ACVR2B: variants seen among roughly 807,000 people sequenced by gnomAD.
ACVR2B encodes activin A receptor type 2B.
Under a neutral mutation model 65.1 loss-of-function variants are expected in ACVR2B, and 18 were observed. The observed-to-expected ratio is 0.28, with a 90% CI of 0.19 to 0.41. The LOEUF (loss-of-function observed/expected upper bound fraction) is 0.41, where lower values mean the gene tolerates loss of function less well. Among genes scored for constraint, ACVR2B ranks in the 10% least tolerant of loss-of-function variants. The pLI, the probability that ACVR2B is intolerant of heterozygous loss-of-function variation, is 1.00. For synonymous variants in ACVR2B, 298 were observed against 277.7 expected, an observed-to-expected ratio of 1.07 and a Z score of -0.73; for missense variants, 482 against 682.7, an observed-to-expected ratio of 0.71 and a Z score of 3.28.
chr3:38,483,465 A>T lies in ACVR2B; in HGVS notation c.*133A>T, dbSNP rs186832239. On this transcript the variant is annotated 3_prime_UTR_variant, in exon 11 of 11. Coordinates refer to ENST00000352511, the MANE Select transcript of ACVR2B (RefSeq NM_001106.4). This position sits in a 1 kb window ranked among gnomAD's most constrained non-coding sequence, Gnocchi z 4.8. Reference sequence around the variant, plus strand: ...AGCTGCTATTTTACCTTGACTTTTTATTATTATTATTATAATTATTATAAT... The same window carrying T: ...AGCTGCTATTTTACCTTGACTTTTTTTTATTATTATTATAATTATTATAAT... 727 of 454,372 alleles carry T rather than the reference A, an allele frequency of 1.6e-3. 2 individuals carry two copies. Among genetic ancestry groups the T allele is most frequent in the Admixed American group, 2.5e-3 (63 of 24,966 alleles). 28.1% of individuals were successfully genotyped at this position (454,372 alleles called of 1,614,324 possible). A position where few individuals can be genotyped will look rare whatever the true frequency, so the allele number is the denominator to read the frequency against.
At position 38,492,242 on chromosome 3, in the gene ACVR2B, A is replaced by G. The variant is rs2059815782; in HGVS notation, c.*8910A>G. Reference sequence around the variant, plus strand: ...TACATTATTTGTAAGGGAAAGAAGGAAAACCCTAAGACTTGTCTAACTTAG... The same window carrying G: ...TACATTATTTGTAAGGGAAAGAAGGGAAACCCTAAGACTTGTCTAACTTAG... On this transcript the variant is annotated 3_prime_UTR_variant, in exon 11 of 11. Coordinates refer to ENST00000352511, the MANE Select transcript of ACVR2B (RefSeq NM_001106.4). 1 of 152,674 alleles carries G rather than the reference A, an allele frequency of 6.5e-6. No individual in the cohort carries two copies. The highest frequency in any genetic ancestry group is 2.4e-5 in the African/African-American group (1 of 41,464). 9.5% of individuals were successfully genotyped at this position (152,674 alleles called of 1,614,324 possible). A position where few individuals can be genotyped will look rare whatever the true frequency, so the allele number is the denominator to read the frequency against.
Position 38,481,084 on chromosome 3 carries a change from C to G in ACVR2B, c.960-267C>G, listed in dbSNP as rs1399604698. Reference sequence around the variant, plus strand: ...GGGCTGGCCTTTGATAGTGTGGGGACTGGGACAGGGTCTGCCCAGCCATTA... The same window carrying G: ...GGGCTGGCCTTTGATAGTGTGGGGAGTGGGACAGGGTCTGCCCAGCCATTA... On this transcript the variant is annotated intron_variant, in intron 7 of 10. Coordinates refer to ENST00000352511, the MANE Select transcript of ACVR2B (RefSeq NM_001106.4). The surrounding 1 kb of genome is among the most constrained non-coding windows in gnomAD (Gnocchi z 4.7). Among the ~76,000 whole-genome samples, 1 of 152,228 alleles carries G rather than the reference C, an allele frequency of 6.6e-6. No individual in the cohort carries two copies. Among genetic ancestry groups the G allele is most frequent in the Admixed American group, 6.5e-5 (1 of 15,288 alleles).
intron 1 of ACVR2B, among the ~76,000 whole-genome samples, chr3:38,460,817 C>T (rs1224382612): frequency 6.6e-6 from 1 of 152,218 alleles, no homozygotes; most frequent in Non-Finnish European, 1.5e-5. Context: ...ATGCTCTTTG[C>T]ATGTGTTCCT....
At chr3:38,469,249 A>G (rs879273517) in intron 1 of ACVR2B, among the ~76,000 whole-genome samples, 1 of 152,250 alleles carries the variant, frequency 6.6e-6, no homozygotes, top group Non-Finnish European at 1.5e-5. Flanking sequence ...AGTAAGGGAA[A>G]AACAAGAAGG....
chr3:38,454,943 C>T (rs1709519393), intron 1 of ACVR2B: 1 of 151,804 alleles, frequency 6.6e-6, no homozygotes, highest in South Asian at 2.1e-4. Flanking sequence ...CTTTCCCTGC[C>T]GTTGGCCCCG....
At chr3:38,482,140 C>G in intron 8 of ACVR2B, 58 bp from the exon 9 acceptor site, 1 of 1,612,062 alleles carries the variant, frequency 6.2e-7, no homozygotes, top group East Asian at 2.2e-5. Flanking sequence ...CTCCCATGTC[C>G]CAGCTGTGTG....
chr3:38,465,430 A>T (rs1709712628), intron 1 of ACVR2B, among the ~76,000 whole-genome samples: 1 of 150,888 alleles, frequency 6.6e-6, no homozygotes, highest in Non-Finnish European at 1.5e-5. Flanking sequence ...AGCAGTGTTC[A>T]CTGTGGTCAA....
At chr3:38,463,366 T>G (rs1709680266) in intron 1 of ACVR2B, among the ~76,000 whole-genome samples, 1 of 152,200 alleles carries the variant, frequency 6.6e-6, no homozygotes, top group South Asian at 2.1e-4. Context: ...TCATATGTCG[T>G]GATAATGACG....
chr3:38,459,395 C>T (rs765724403), intron 1 of ACVR2B, among the ~76,000 whole-genome samples: 12 of 152,192 alleles, frequency 7.9e-5, no homozygotes, highest in South Asian at 2.1e-4. Flanking sequence ...CGCCTCTGAC[C>T]GTTGCCTTAA....
At chr3:38,469,202 C>T (rs986208697) in intron 1 of ACVR2B, among the ~76,000 whole-genome samples, 2 of 152,068 alleles carry the variant, frequency 1.3e-5, no homozygotes, top group Non-Finnish European at 2.9e-5. Flanking sequence ...TAATAAACAC[C>T]CTTTTAAAAT....
At chr3:38,473,153 T>C (rs1323520847) in intron 1 of ACVR2B, among the ~76,000 whole-genome samples, 1 of 152,166 alleles carries the variant, frequency 6.6e-6, no homozygotes, top group African/African-American at 2.4e-5. Context: ...CCTTGGAGCA[T>C]AGGGACTGCC....
At chr3:38,478,033 C>A in intron 3 of ACVR2B, 63 bp downstream of exon 3, 1 of 1,598,434 alleles carries the variant, frequency 6.3e-7, no homozygotes, top group Non-Finnish European at 8.6e-7. Context: ...TGGCTTGGAG[C>A]GCTTGGCTCC....
In ACVR2B at chr3:38,486,185, C is replaced by G. The variant is rs894911750; in HGVS notation, c.*2853C>G. The G allele has an allele frequency of 6.6e-6, 1 of 152,250 alleles. No homozygotes were observed. Among genetic ancestry groups the G allele is most frequent in the Non-Finnish European group, 1.5e-5 (1 of 68,094 alleles). 9.4% of individuals were successfully genotyped at this position (152,250 alleles called of 1,614,324 possible). On this transcript the variant is annotated 3_prime_UTR_variant, in exon 11 of 11. Transcript: ENST00000352511. ...CCGTACGCTCAGCCACTATAGTGTC[C>G]CTGTGGGGCCTTGCCATCAGATTGT...
In ACVR2B at chr3:38,477,745, G is replaced by A. The variant is rs1238355887; in HGVS notation, c.261-116G>A. The A allele has an allele frequency of 2.9e-5, 34 of 1,167,768 alleles. No individual in the cohort carries two copies. Among genetic ancestry groups the A allele is most frequent in the Non-Finnish European group, 3.7e-5 (29 of 773,480 alleles). The allele number at this position is 1,167,768 out of a possible 1,614,324, so 72.3% of individuals were successfully genotyped here. A position where few individuals can be genotyped will look rare whatever the true frequency, so the allele number is the denominator to read the frequency against. Reference sequence around the variant, plus strand: ...CCTGTAGGGGAGGTGAGTTCACACCGTCCCCCTGGTGTTGCCCATGAGGTG... The same window carrying A: ...CCTGTAGGGGAGGTGAGTTCACACCATCCCCCTGGTGTTGCCCATGAGGTG... On this transcript the variant is annotated intron_variant, in intron 2 of 10. Transcript: ENST00000352511. This position sits in a 1 kb window ranked among gnomAD's most constrained non-coding sequence, Gnocchi z 6.7.
intron 8 of ACVR2B, among the ~76,000 whole-genome samples, 191 bp from the exon 9 acceptor site, chr3:38,482,007 A>C (rs1482784875): frequency 6.6e-6 from 1 of 152,136 alleles, no homozygotes; most frequent in Non-Finnish European, 1.5e-5. Context: ...ATTATTAGCC[A>C]AGTATAATTG....
chr3:38,482,415 C>G lies in ACVR2B; in HGVS notation c.1214-15C>G, dbSNP rs1338374373. On this transcript the variant is annotated splice_polypyrimidine_tract_variant and intron_variant, in intron 9 of 10. Coordinates refer to ENST00000352511, the MANE Select transcript of ACVR2B (RefSeq NM_001106.4). ...GACCTTAGAGTGATCCTGCCAGGCTCTCTCTTTCTCCTAGGACCCGTGGAT... is the reference window on the plus strand; with the variant it reads ...GACCTTAGAGTGATCCTGCCAGGCTGTCTCTTTCTCCTAGGACCCGTGGAT... 3 of 1,611,592 alleles carry G rather than the reference C, an allele frequency of 1.9e-6. No homozygotes were observed. Among genetic ancestry groups the G allele is most frequent in the Non-Finnish European group, 2.5e-6 (3 of 1,179,642 alleles).
intron 1 of ACVR2B, among the ~76,000 whole-genome samples, chr3:38,461,811 G>A (rs770307635): frequency 1.1e-4 from 17 of 152,092 alleles, no homozygotes; most frequent in Non-Finnish European, 4.4e-5. Context: ...CCCCATCCGA[G>A]GCCCCCTCCA....
chr3:38,467,936 G>T (rs1055406852), intron 1 of ACVR2B, among the ~76,000 whole-genome samples: 2 of 152,016 alleles, frequency 1.3e-5, no homozygotes, highest in Non-Finnish European at 2.9e-5. Flanking sequence ...GGAGTGCAGC[G>T]GTGCAATCTC....
chr3:38,473,350 C>T (rs1392215901), intron 1 of ACVR2B: 1 of 152,372 alleles, frequency 6.6e-6, no homozygotes, highest in African/African-American at 2.4e-5. Flanking sequence ...CATGGCTTCT[C>T]CTCCTGCCAG....
Sources: gnomAD v4.1 joint callset for allele counts (sites outside exome capture counted in the v4.1 genomes callset) on GRCh38, gnomAD v4.1.1 for gene constraint, Gnocchi (gnomAD v3.1) non-coding constraint, MANE v1.5 for transcripts, NCBI Gene and HGNC (gene_info 2026-07-23, HGNC 2026-07-21) for gene names.